Variants in ADGB observed in about 807,000 individuals in gnomAD.
The protein encoded by ADGB is androglobin, also known as calpain-7-like protein.
ADGB carries 172 observed loss-of-function variants against 210.5 expected under a neutral mutation model. The observed-to-expected ratio is 0.82, with a 90% CI of 0.72 to 0.93. The LOEUF (loss-of-function observed/expected upper bound fraction) is 0.93, where lower values mean the gene tolerates loss of function less well. Ranked by LOEUF, ADGB falls within the 40% of genes least tolerant of loss-of-function variation. The pLI is 0.00. For synonymous variants in ADGB, 658 were observed against 662.7 expected, an observed-to-expected ratio of 0.99 and a Z score of 0.11; for missense variants, 2,025 against 1,964.8, an observed-to-expected ratio of 1.03 and a Z score of -0.58.
intron 35 of ADGB, among the ~76,000 whole-genome samples, chr6:146,814,774 G>T (rs1445846918): frequency 1.3e-5 from 2 of 151,624 alleles, no homozygotes; most frequent in Non-Finnish European, 2.9e-5. Flanking sequence ...AATACCTTTG[G>T]GGAAAAAAAA....
chr6:146,733,306 G>T, intron 21 of ADGB, 51 bp downstream of exon 21: 1 of 1,410,680 alleles, frequency 7.1e-7, no homozygotes. Flanking sequence ...TTTTAAGTAA[G>T]GTAAATAATT....
chr6:146,638,614 G>GT (rs1562261544), intron 2 of ADGB, among the ~76,000 whole-genome samples: 2 of 97,954 alleles, frequency 2.0e-5, no homozygotes, highest in East Asian at 2.8e-4. Flanking sequence ...TGGGGTGGGG[G>GT]GGGGGGGGAG....
intron 29 of ADGB, among the ~76,000 whole-genome samples, chr6:146,777,012 G>A (rs1583633994): frequency 6.6e-6 from 1 of 151,922 alleles, no homozygotes; most frequent in East Asian, 1.9e-4. Context: ...GTTGGCAGAA[G>A]GGACAGTTTC....
chr6:146,658,063 T>G (rs1037701659), intron 5 of ADGB, among the ~76,000 whole-genome samples: 1 of 152,124 alleles, frequency 6.6e-6, no homozygotes, highest in Non-Finnish European at 1.5e-5. Flanking sequence ...TTTATGAAAA[T>G]GTAACTTTTT....
At chr6:146,808,314 T>G (rs751522502) in intron 35 of ADGB, among the ~76,000 whole-genome samples, 1 of 152,174 alleles carries the variant, frequency 6.6e-6, no homozygotes, top group Non-Finnish European at 1.5e-5. Context: ...TATGCCATTT[T>G]TAAAAACTGA....
chr6:146,767,388 T>C (rs563909384), intron 28 of ADGB, among the ~76,000 whole-genome samples: 2 of 152,328 alleles, frequency 1.3e-5, no homozygotes, highest in East Asian at 3.9e-4. Flanking sequence ...ACATTAATAG[T>C]AATAACTAAT....
chr6:146,795,307 G>A (rs1778023449), intron 33 of ADGB, among the ~76,000 whole-genome samples: 1 of 152,012 alleles, frequency 6.6e-6, no homozygotes, highest in South Asian at 2.1e-4. Flanking sequence ...TTAACAAGTA[G>A]AATCTTATTA....
chr6:146,744,440 T>A (rs2114602682), intron 25 of ADGB, among the ~76,000 whole-genome samples: 2 of 152,312 alleles, frequency 1.3e-5, no homozygotes, highest in East Asian at 3.9e-4. Context: ...ATGTTGTGTC[T>A]TCTAATCTTA....
At chr6:146,774,791 T>C (rs1359260699) in intron 29 of ADGB, among the ~76,000 whole-genome samples, 2 of 152,180 alleles carry the variant, frequency 1.3e-5, no homozygotes, top group Non-Finnish European at 2.9e-5. Flanking sequence ...ATTACATATA[T>C]AGAAAAATTC....
At chr6:146,600,719 A>T (rs1583553969) in intron 1 of ADGB, among the ~76,000 whole-genome samples, 3 of 149,530 alleles carry the variant, frequency 2.0e-5, no homozygotes, top group Non-Finnish European at 1.5e-5. Flanking sequence ...TAAAAACTAC[A>T]TTTTTTTTTT....
chr6:146,627,923 C>T (rs573269070), intron 1 of ADGB, among the ~76,000 whole-genome samples: 1 of 152,220 alleles, frequency 6.6e-6, no homozygotes, highest in African/African-American at 2.4e-5. Flanking sequence ...ATTTGTTTCT[C>T]ATCTTTCAGG....
intron 12 of ADGB, 21 bp downstream of exon 12, chr6:146,692,936 T>G (rs952253533): frequency 1.5e-6 from 2 of 1,313,750 alleles, no homozygotes; most frequent in African/African-American, 3.0e-5. Flanking sequence ...ACATTCTTCC[T>G]CACAAATGTG....
chr6:146,800,061 G>A (rs544594225), intron 33 of ADGB, among the ~76,000 whole-genome samples: 4 of 152,178 alleles, frequency 2.6e-5, no homozygotes, highest in African/African-American at 9.6e-5. Context: ...ACCCGCCTTG[G>A]CCTCCCAAAG....
chr6:146,814,607 A>G (rs1374917554), intron 35 of ADGB, among the ~76,000 whole-genome samples: 3 of 152,216 alleles, frequency 2.0e-5, no homozygotes, highest in African/African-American at 4.8e-5. Context: ...AGATTTGGCC[A>G]TACTATTTGG....
intron 9 of ADGB, among the ~76,000 whole-genome samples, chr6:146,679,614 T>C (rs1285791294): frequency 1.3e-5 from 2 of 152,176 alleles, no homozygotes; most frequent in East Asian, 1.9e-4. Flanking sequence ...TTGGAGGAAC[T>C]CCAAATTATA....
chr6:146,796,866 G>C (rs772985497), intron 33 of ADGB, among the ~76,000 whole-genome samples: 2 of 152,082 alleles, frequency 1.3e-5, no homozygotes, highest in Non-Finnish European at 2.9e-5. Context: ...AAACTAAAAA[G>C]CTTCAGCACA....
chr6:146,706,979 T>C (rs978942268), intron 13 of ADGB, among the ~76,000 whole-genome samples: 4 of 152,032 alleles, frequency 2.6e-5, no homozygotes, highest in African/African-American at 9.7e-5. Context: ...GTTTTAAATT[T>C]GAAATTCTTC....
At chr6:146,625,449 TA>T (rs1333552972) in intron 1 of ADGB, among the ~76,000 whole-genome samples, 1 of 152,094 alleles carries the variant, frequency 6.6e-6, no homozygotes, top group Non-Finnish European at 1.5e-5. Flanking sequence ...GTAGATTTCC[TA>T]GAGATAACAC....
At chr6:146,697,243 T>A (rs564244313) in intron 12 of ADGB, among the ~76,000 whole-genome samples, 43 of 152,270 alleles carry the variant, frequency 2.8e-4, no homozygotes, top group African/African-American at 9.6e-4. Flanking sequence ...ACTTCACAAA[T>A]AGCAATAACT....
Sources: allele counts gnomAD v4.1 joint callset (sites outside exome capture counted in the v4.1 genomes callset), GRCh38; gene constraint gnomAD v4.1.1; transcripts MANE v1.5; gene names NCBI Gene and HGNC (gene_info 2026-07-23, HGNC 2026-07-21).